The following FAM13A variants were observed in gnomAD, a reference collection of about 807,000 sequenced individuals.
FAM13A encodes the protein family with sequence similarity 13 member A.
FAM13A carries 76 observed loss-of-function variants against 129.6 expected under a neutral mutation model. The observed-to-expected ratio is 0.59, with a 90% CI of 0.49 to 0.71. The LOEUF (loss-of-function observed/expected upper bound fraction) is 0.71, where lower values mean the gene tolerates loss of function less well. FAM13A is among the 30% of genes least tolerant of loss of function. The pLI is 0.00. For missense variants in FAM13A, 1,108 were observed against 1,249.3 expected, an observed-to-expected ratio of 0.89 and a Z score of 1.70; for synonymous variants, 443 against 449.9, an observed-to-expected ratio of 0.98 and a Z score of 0.20.
chr4:89,032,530 T>C (rs1356423556), intron 1 of FAM13A, among the ~76,000 whole-genome samples: 2 of 152,182 alleles, frequency 1.3e-5, no homozygotes, highest in Non-Finnish European at 2.9e-5. Context: ...ACCTAAAAAA[T>C]TGTGGTTTCA....
At chr4:88,841,426 G>A (rs952077669) in intron 7 of FAM13A, among the ~76,000 whole-genome samples, 3 of 150,552 alleles carry the variant, frequency 2.0e-5, no homozygotes, top group Admixed American at 1.3e-4. Context: ...CCCGGGAGGC[G>A]GAGGTTGCAG....
At chr4:88,912,568 TACAC>T (rs71594867) in intron 5 of FAM13A, among the ~76,000 whole-genome samples, 20,804 of 145,840 alleles carry the variant, frequency 0.14, 2,284 homozygotes, top group African/African-American at 0.31. Context: ...CACACATACA[TACAC>T]ACACACACAC....
At chr4:88,730,461 C>T (rs1011782419) in intron 23 of FAM13A, among the ~76,000 whole-genome samples, 2 of 152,132 alleles carry the variant, frequency 1.3e-5, no homozygotes, top group South Asian at 2.1e-4. Flanking sequence ...GGCGTGATCT[C>T]GGCTCACTGC....
At chr4:88,804,843 T>A (rs1014448562) in intron 8 of FAM13A, among the ~76,000 whole-genome samples, 168 bp downstream of exon 8, 10 of 152,172 alleles carry the variant, frequency 6.6e-5, no homozygotes, top group Middle Eastern at 6.8e-3. Context: ...AAAAAAAAAA[T>A]TTCTTGAACC....
chr4:88,948,858 AC>A (rs1756421489), intron 4 of FAM13A, among the ~76,000 whole-genome samples: 1 of 152,196 alleles, frequency 6.6e-6, no homozygotes, highest in African/African-American at 2.4e-5. Flanking sequence ...TAAAAAAGAT[AC>A]ATTTTATAGC....
chr4:88,886,590 A>T (rs1264243938), intron 6 of FAM13A, among the ~76,000 whole-genome samples: 1 of 151,120 alleles, frequency 6.6e-6, no homozygotes, highest in African/African-American at 2.4e-5. Context: ...CTCCATCTTA[A>T]AAAGAAAAAA....
chr4:88,966,780 T>C (rs1759407955), intron 4 of FAM13A, among the ~76,000 whole-genome samples: 2 of 152,306 alleles, frequency 1.3e-5, no homozygotes, highest in Middle Eastern at 3.4e-3. Context: ...AAATGTTATA[T>C]TGAATTAAAT....
At chr4:89,051,654 G>A (rs918959089) in intron 1 of FAM13A, among the ~76,000 whole-genome samples, 2 of 151,952 alleles carry the variant, frequency 1.3e-5, no homozygotes, top group Non-Finnish European at 2.9e-5. Context: ...TTCATACTGA[G>A]GCAAACTCCT....
intron 7 of FAM13A, chr4:88,823,042 C>T: frequency 1.2e-6 from 2 of 1,612,980 alleles, no homozygotes; most frequent in African/African-American, 1.3e-5. Flanking sequence ...TCACAACTGT[C>T]TCTTCCACGG....
rs114196387 is a variant in FAM13A, at chr4:88,763,922, T to C, written c.1578+3631A>G. ...CTATTGGATTGATTTGGAAGCGAAT[T>C]TGAAGTAAATAGAGCTTGTTAATTT... On this transcript the variant is annotated intron_variant, in intron 13 of 23. Coordinates refer to ENST00000264344, the MANE Select transcript of FAM13A (RefSeq NM_014883.4). Among the ~76,000 whole-genome samples, 51 of 152,350 alleles carry C rather than the reference T, an allele frequency of 3.3e-4. 1 individual carries two copies. The East Asian group carries it at 5.0e-3, about 15-fold the overall frequency.
At chr4:88,838,711 A>C (rs960732498) in intron 7 of FAM13A, among the ~76,000 whole-genome samples, 12 of 147,232 alleles carry the variant, frequency 8.2e-5, no homozygotes, top group African/African-American at 3.1e-4. Flanking sequence ...TGGGCGACAG[A>C]GCAAGACTCC....
chr4:88,830,373 T>C lies in FAM13A; in HGVS notation c.1007+20647A>G, dbSNP rs576515208. 4.9e-4 allele frequency among the ~76,000 whole-genome samples: 74 copies of C among 152,190 alleles called. 1 individual carries two copies. The highest frequency in any genetic ancestry group is 9.3e-4 in the Non-Finnish European group (63 of 68,032). ...GCTTGTTTTAGAAAGCAAACAGTGA[T>C]ACTCAAGCTGAGGCTAATAGGAATA... is the stretch of plus-strand genomic sequence containing the variant. On this transcript the variant is annotated intron_variant, in intron 7 of 23. Coordinates refer to ENST00000264344, the MANE Select transcript of FAM13A (RefSeq NM_014883.4).
At chr4:88,824,722 T>TTATG (rs752880969) in intron 7 of FAM13A, among the ~76,000 whole-genome samples, 12 of 152,204 alleles carry the variant, frequency 7.9e-5, no homozygotes, top group Non-Finnish European at 1.5e-4. Context: ...ATTTATTTAT[T>TTATG]TTTGAGATGG....
At chr4:88,863,445 TTAAAA>T (rs1371988449) in intron 6 of FAM13A, among the ~76,000 whole-genome samples, 2 of 152,184 alleles carry the variant, frequency 1.3e-5, no homozygotes, top group Admixed American at 6.5e-5. Flanking sequence ...GTTGTATCCT[TTAAAA>T]TAAACTGGTA....
intron 4 of FAM13A, among the ~76,000 whole-genome samples, chr4:88,985,848 T>TA (rs56061264): frequency 0.63 from 91,222 of 144,852 alleles, 28,364 homozygotes; most frequent in Middle Eastern, 0.75. Flanking sequence ...CAAAAAAGAA[T>TA]AAAAAAAAAA....
chr4:88,882,033 A>T (rs1245281164), intron 6 of FAM13A, among the ~76,000 whole-genome samples: 1 of 152,218 alleles, frequency 6.6e-6, no homozygotes, highest in Non-Finnish European at 1.5e-5. Flanking sequence ...GAAGATGATG[A>T]ATCTAAAACT....
At chr4:88,985,821 G>T (rs1282786818) in intron 4 of FAM13A, among the ~76,000 whole-genome samples, 1 of 145,788 alleles carries the variant, frequency 6.9e-6, no homozygotes, top group Non-Finnish European at 1.5e-5. Flanking sequence ...TCCAAGCAAT[G>T]AAGTAATACA....
intron 5 of FAM13A, among the ~76,000 whole-genome samples, chr4:88,934,427 T>C (rs1753533918): frequency 6.6e-6 from 1 of 152,240 alleles, no homozygotes; most frequent in African/African-American, 2.4e-5. Flanking sequence ...ATTCAACGTA[T>C]AGTCCATGGT....
intron 1 of FAM13A, among the ~76,000 whole-genome samples, chr4:89,046,262 T>C (rs1252619232): frequency 1.3e-5 from 2 of 151,856 alleles, no homozygotes; most frequent in South Asian, 2.1e-4. Context: ...AGTATAACCA[T>C]GTAATATGAA....
Sources: allele counts gnomAD v4.1 joint callset (sites outside exome capture counted in the v4.1 genomes callset), GRCh38; gene constraint gnomAD v4.1.1; transcripts MANE v1.5; gene names NCBI Gene and HGNC (gene_info 2026-07-23, HGNC 2026-07-21).